The following DLC1 variants were observed in gnomAD, a reference collection of about 807,000 sequenced individuals.
DLC1 encodes the protein DLC1 Rho GTPase activating protein.
DLC1 carries 54 observed loss-of-function variants against 140.3 expected under a neutral mutation model. The observed-to-expected ratio is 0.38, with a 90% CI of 0.31 to 0.48. The LOEUF is 0.48. Ranked by LOEUF, DLC1 falls within the 20% of genes least tolerant of loss-of-function variation. The probability of loss-of-function intolerance (pLI) is 0.96; values close to 1 mark genes in which losing one functional copy is unlikely to be tolerated. For synonymous variants in DLC1, 986 were observed against 728.1 expected (o/e 1.35, Z -5.70); for missense variants, 2,536 against 1,907.0 (o/e 1.33, Z -6.14).
chr8:13,540,957 C>G (rs1472911957), intron 1 of DLC1, among the ~76,000 whole-genome samples: 16 of 152,220 alleles, frequency 1.1e-4, no homozygotes. Flanking sequence ...ACAATTCTCT[C>G]TGAGAGACAT....
intron 1 of DLC1, among the ~76,000 whole-genome samples, chr8:13,578,975 G>A (rs1298261691): frequency 6.6e-6 from 1 of 151,710 alleles, no homozygotes; most frequent in Non-Finnish European, 1.5e-5. Context: ...TTTATTACAG[G>A]TTGGTTCCTC....
chr8:13,220,979 G>C (rs185958640), intron 5 of DLC1, among the ~76,000 whole-genome samples: 1 of 152,252 alleles, frequency 6.6e-6, no homozygotes, highest in East Asian at 1.9e-4. Flanking sequence ...CACGTATGAG[G>C]GTGTTAGGTG....
intron 1 of DLC1, among the ~76,000 whole-genome samples, chr8:13,501,653 G>C (rs558629339): frequency 6.6e-6 from 1 of 152,140 alleles, no homozygotes; most frequent in East Asian, 1.9e-4. Context: ...AAAAACTGGC[G>C]AAATTGACAT....
intron 5 of DLC1, 58 bp from the exon 6 acceptor site, chr8:13,115,715 T>C: frequency 6.5e-7 from 1 of 1,536,986 alleles, no homozygotes; most frequent in South Asian, 1.2e-5. Context: ...ATGCTTATTT[T>C]TCCTGAATAA....
intron 5 of DLC1, among the ~76,000 whole-genome samples, chr8:13,194,528 G>C (rs1826939574): frequency 6.6e-6 from 1 of 152,218 alleles, no homozygotes; most frequent in African/African-American, 2.4e-5. Flanking sequence ...AAAAATGTTT[G>C]CAAATGCTGT....
chr8:13,237,049 C>T (rs560597845), intron 5 of DLC1, among the ~76,000 whole-genome samples: 1 of 151,816 alleles, frequency 6.6e-6, no homozygotes, highest in African/African-American at 2.4e-5. Flanking sequence ...CCAACTTTAA[C>T]TTTTTATGAT....
intron 2 of DLC1, among the ~76,000 whole-genome samples, chr8:13,485,041 T>C (rs1364989387): frequency 1.3e-5 from 2 of 152,190 alleles, no homozygotes; most frequent in African/African-American, 2.4e-5. Flanking sequence ...ATTTGAAATA[T>C]AGAACAACAA....
chr8:13,568,065 C>T (rs939776976), intron 1 of DLC1: 7 of 1,201,612 alleles, frequency 5.8e-6, no homozygotes, highest in Non-Finnish European at 7.9e-6. Context: ...GGACTAAGAA[C>T]TTTCACTTTT....
At chr8:13,468,598 TC>T (rs1458788046) in intron 2 of DLC1, among the ~76,000 whole-genome samples, 1 of 151,604 alleles carries the variant, frequency 6.6e-6, no homozygotes, top group Non-Finnish European at 1.5e-5. Context: ...TGGTCTTAAA[TC>T]CCTGGCTTCA....
At chr8:13,439,914 G>A (rs1044847798) in intron 2 of DLC1, among the ~76,000 whole-genome samples, 8 of 151,812 alleles carry the variant, frequency 5.3e-5, no homozygotes, top group Non-Finnish European at 8.8e-5. Context: ...TTTTCTGATC[G>A]TCATCAGTTT....
chr8:13,489,971 A>T (rs532745435), intron 2 of DLC1, among the ~76,000 whole-genome samples: 1 of 152,268 alleles, frequency 6.6e-6, no homozygotes, highest in South Asian at 2.1e-4. Flanking sequence ...CATTTTACTT[A>T]ATGTTCCTAA....
intron 5 of DLC1, among the ~76,000 whole-genome samples, chr8:13,143,813 TGAGAGAGAGA>T (rs35079610): frequency 8.5e-4 from 110 of 128,714 alleles, no homozygotes; most frequent in African/African-American, 2.8e-3. Flanking sequence ...AATGAAAAGC[TGAGAGAGAGA>T]GAGAGAGAGA....
intron 1 of DLC1, among the ~76,000 whole-genome samples, chr8:13,552,156 CATATATATATCTGTCTAGAGGTGT>C (rs1803889333): frequency 2.9e-4 from 11 of 38,084 alleles, no homozygotes; most frequent in African/African-American, 4.7e-4. Flanking sequence ...TCTAGAGGTA[CATATATATATCTGTCTAGAGGTGT>C]ATATATATAC....
chr8:13,594,541 C>T (rs545021874), intron 1 of DLC1, among the ~76,000 whole-genome samples: 130 of 152,204 alleles, frequency 8.5e-4, no homozygotes, highest in Non-Finnish European at 1.5e-3. Context: ...ATCAGTTCTT[C>T]GATTTTCTGC....
At chr8:13,374,446 A>C (rs1374276414) in intron 4 of DLC1, among the ~76,000 whole-genome samples, 2 of 152,014 alleles carry the variant, frequency 1.3e-5, no homozygotes, top group African/African-American at 4.8e-5. Flanking sequence ...ATGGCAAGAG[A>C]GTGTATATGA....
chr8:13,169,506 CT>C (rs1825316579), intron 5 of DLC1, among the ~76,000 whole-genome samples: 1 of 152,142 alleles, frequency 6.6e-6, no homozygotes, highest in Non-Finnish European at 1.5e-5. Flanking sequence ...TAAAGAACAG[CT>C]TTTTTTCCTA....
chr8:13,415,069 C>T (rs1378423678), intron 2 of DLC1, among the ~76,000 whole-genome samples: 1 of 152,074 alleles, frequency 6.6e-6, no homozygotes, highest in Non-Finnish European at 1.5e-5. Flanking sequence ...ACCTTGGCCT[C>T]CTAAAATGCT....
At chr8:13,228,685 A>G (rs1039491688) in intron 5 of DLC1, among the ~76,000 whole-genome samples, 1 of 152,234 alleles carries the variant, frequency 6.6e-6, no homozygotes, top group African/African-American at 2.4e-5. Flanking sequence ...AGGAGGCTGC[A>G]GTGAACTATG....
At chr8:13,312,360 C>CAAAAAATAAAA (rs1554494771) in intron 4 of DLC1, among the ~76,000 whole-genome samples, 1 of 6,642 alleles carries the variant, frequency 1.5e-4, no homozygotes, top group East Asian at 5.1e-3. Flanking sequence ...GACTCCGTCT[C>CAAAAAATAAAA]AAAAAAAAAA....
Sources: allele counts gnomAD v4.1 joint callset (sites outside exome capture counted in the v4.1 genomes callset), GRCh38; gene constraint gnomAD v4.1.1; transcripts MANE v1.5; gene names NCBI Gene and HGNC (gene_info 2026-07-23, HGNC 2026-07-21).